Variants in OR2L2 observed in about 807,000 individuals in gnomAD.
The protein encoded by OR2L2 is olfactory receptor 2L2.
For synonymous variants in OR2L2, 156 were observed against 135.4 expected (o/e 1.15, Z -1.06); for missense variants, 378 against 375.2 (o/e 1.01, Z -0.06).
intron 2 of OR2L2, 38 bp from the exon 3 acceptor site, chr1:248,038,209 A>G: frequency 8.1e-7 from 1 of 1,235,706 alleles, no homozygotes; most frequent in Non-Finnish European, 1.2e-6. Flanking sequence ...GATAAAAGTG[A>G]ATTACTGTTC....
rs552828694 is a variant in OR2L2, at chr1:248,030,917, G to A, written c.-97+682G>A. ...GGGTTGAAGGCTGGTTTTTCTACTTGTGATGAAAATATCCTCAGAAATTTT... is the reference window on the plus strand; with the variant it reads ...GGGTTGAAGGCTGGTTTTTCTACTTATGATGAAAATATCCTCAGAAATTTT... On this transcript the variant is annotated intron_variant, in intron 1 of 2. Transcript: ENST00000641771. 7.2e-5 allele frequency among the ~76,000 whole-genome samples: 11 copies of A among 152,214 alleles called. No homozygotes were observed. The East Asian group carries it at 2.1e-3, about 29-fold the overall frequency.
rs1662849520 is a variant in OR2L2 at position 248,038,812 on chromosome 1, C to G, written c.545C>G (p.Ala182Gly). 1 of 1,614,168 alleles carries G rather than the reference C, an allele frequency of 6.2e-7. No homozygotes were observed. Among genetic ancestry groups the G allele is most frequent in the Non-Finnish European group, 8.5e-7 (1 of 1,180,026 alleles). The part of the protein sequence containing the change: ...AINHFFCDVP[A>G]MLTLACTDTW... ...AATCATTTTTTCTGTGATGTTCCAG[C>G]TATGTTGACGCTAGCCTGCACAGAC... is the stretch of plus-strand genomic sequence containing the variant. The change falls in exon 3 of 3, where the codon GCT (alanine) becomes GGT (glycine). Residue 182 changes from alanine to glycine, a missense_variant. Ala to Gly is a moderately conservative substitution (Grantham distance 60). Coordinates refer to ENST00000641771, the MANE Select transcript of OR2L2 (RefSeq NM_001385855.1).
At chr1:248,036,652 T>G (rs1332667151) in intron 2 of OR2L2, among the ~76,000 whole-genome samples, 1 of 152,218 alleles carries the variant, frequency 6.6e-6, no homozygotes, top group African/African-American at 2.4e-5. Flanking sequence ...GCCTAAAAAC[T>G]TCATTCCTTT....
chr1:248,036,872 A>G (rs1382766365), intron 2 of OR2L2, among the ~76,000 whole-genome samples: 1 of 152,152 alleles, frequency 6.6e-6, no homozygotes, highest in African/African-American at 2.4e-5. Context: ...TATGGATCTT[A>G]ACAAAAAATT....
At position 248,039,119 on chromosome 1, in the gene OR2L2, C is replaced by G; in HGVS notation, c.852C>G (p.Leu284=). The G allele has an allele frequency of 6.2e-7, 1 of 1,614,140 alleles. No homozygotes were observed. The highest frequency in any genetic ancestry group is 2.2e-5 in the East Asian group (1 of 44,876). The change falls in exon 3 of 3, where the codon CTC becomes CTG. Residue 284 remains leucine (L), a synonymous_variant. Coordinates refer to ENST00000641771, the MANE Select transcript of OR2L2 (RefSeq NM_001385855.1). Reference sequence around the variant, plus strand: ...TCTACACCATCCTCACCCCAATGCTCAACCCCATCATCTACAGCCTGAGAA... The same window carrying G: ...TCTACACCATCCTCACCCCAATGCTGAACCCCATCATCTACAGCCTGAGAA... ...AVFYTILTPM[L]NPIIYSLRNK...
chr1:248,033,360 G>A (rs2103090161), intron 1 of OR2L2, among the ~76,000 whole-genome samples: 1 of 152,110 alleles, frequency 6.6e-6, no homozygotes, highest in Middle Eastern at 3.4e-3. Flanking sequence ...GAGTAAACTT[G>A]GTTTGCTTGC....
chr1:248,031,497 G>C (rs1175416277), intron 1 of OR2L2, among the ~76,000 whole-genome samples: 1 of 152,224 alleles, frequency 6.6e-6, no homozygotes, highest in Non-Finnish European at 1.5e-5. Flanking sequence ...AGTAGGCAGG[G>C]TCTTTTAATG....
intron 1 of OR2L2, among the ~76,000 whole-genome samples, chr1:248,032,952 C>T (rs1423531200): frequency 1.3e-5 from 2 of 150,184 alleles, no homozygotes; most frequent in Non-Finnish European, 1.5e-5. Flanking sequence ...AATTTGACAA[C>T]TTTTTGTCTT....
rs945857111 is a variant in OR2L2 at position 248,039,420 on chromosome 1, G to T, written c.*214G>T. 7 of 361,430 alleles carry T rather than the reference G, an allele frequency of 1.9e-5. No homozygotes were observed. The highest frequency in any genetic ancestry group is 1.5e-4 in the African/African-American group (7 of 45,710). 22.4% of individuals were successfully genotyped at this position (361,430 alleles called of 1,614,324 possible). A position where few individuals can be genotyped will look rare whatever the true frequency, so the allele number is the denominator to read the frequency against. ...TTTTGTTTGTGTGTGGTTTTTGTTT[G>T]TTTGTTTGTTTGTCTTTTTAATGGA... On this transcript the variant is annotated 3_prime_UTR_variant, in exon 3 of 3. Transcript: ENST00000641771.
At chr1:248,037,345 G>T (rs1372560420) in intron 2 of OR2L2, among the ~76,000 whole-genome samples, 1 of 152,046 alleles carries the variant, frequency 6.6e-6, no homozygotes, top group Non-Finnish European at 1.5e-5. Flanking sequence ...AATTTAGTGA[G>T]AAAAATCATC....
intron 2 of OR2L2, among the ~76,000 whole-genome samples, chr1:248,037,204 C>A (rs1030620322): frequency 6.6e-6 from 1 of 152,038 alleles, no homozygotes; most frequent in African/African-American, 2.4e-5. Flanking sequence ...GTAGAAGAAC[C>A]AAATAATGAT....
intron 1 of OR2L2, among the ~76,000 whole-genome samples, chr1:248,031,613 G>C (rs926732517): frequency 2.0e-5 from 3 of 152,162 alleles, no homozygotes; most frequent in Non-Finnish European, 4.4e-5. Context: ...CGCAGGCAGA[G>C]CTGGGCTGTA....
At chr1:248,035,492 G>C (rs888557876) in intron 1 of OR2L2, 58 bp from the exon 2 acceptor site, 1 of 152,058 alleles carries the variant, frequency 6.6e-6, no homozygotes, top group Non-Finnish European at 1.5e-5. Flanking sequence ...TGATGAAGCT[G>C]TGGGTTAAAT....
In OR2L2 at chr1:248,035,621, A is replaced by C. The variant is rs1374090996; in HGVS notation, c.-25A>C. On this transcript the variant is annotated 5_prime_UTR_variant, in exon 2 of 3. Coordinates refer to ENST00000641771, the MANE Select transcript of OR2L2 (RefSeq NM_001385855.1). ...CCCATAACAGACCCTTCCTGAACCC[A>C]AAGGTAAGGACTTCAAATTTTCTTA... 1 of 152,190 alleles carries C rather than the reference A, an allele frequency of 6.6e-6. No homozygotes were observed. The highest frequency in any genetic ancestry group is 1.5e-5 in the Non-Finnish European group (1 of 68,040). The allele number at this position is 152,190 out of a possible 1,614,324, so 9.4% of individuals were successfully genotyped here.
intron 1 of OR2L2, among the ~76,000 whole-genome samples, chr1:248,031,583 A>G (rs1032560863): frequency 6.6e-6 from 1 of 152,022 alleles, no homozygotes; most frequent in Non-Finnish European, 1.5e-5. Context: ...TTTTCTATCC[A>G]ATGGTCTGGC....
chr1:248,038,165 C>A lies in OR2L2; in HGVS notation c.-21-82C>A. ...GTTCAGTATCAACCCCAGTTTCAGG[C>A]ATCCACTGGGAGTCTTGTAATGCAG... On this transcript the variant is annotated intron_variant, in intron 2 of 2. Coordinates refer to ENST00000641771, the MANE Select transcript of OR2L2 (RefSeq NM_001385855.1). The A allele has an allele frequency of 5.1e-6, 4 of 780,994 alleles. No homozygotes were observed. The South Asian group carries it at 6.9e-5, about 13-fold the overall frequency. The allele number at this position is 780,994 out of a possible 1,614,324, so 48.4% of individuals were successfully genotyped here.
In OR2L2 at chr1:248,037,512, CAA is replaced by C. The variant is rs1662796701; in HGVS notation, c.-21-733_-21-732del. Reference sequence around the variant, plus strand: ...TTCATATCTTTTTGAAGTTGTAAGACAAATGATTTTTCCTATAAATGTATATA... The same window carrying C: ...TTCATATCTTTTTGAAGTTGTAAGACATGATTTTTCCTATAAATGTATATA... On this transcript the variant is annotated intron_variant, in intron 2 of 2. Transcript: ENST00000641771. Among the ~76,000 whole-genome samples, 3 of 152,048 alleles carry C rather than the reference CAA, an allele frequency of 2.0e-5. No homozygotes were observed. The South Asian group carries it at 6.2e-4, about 32-fold the overall frequency.
chr1:248,038,880 T>C lies in OR2L2; in HGVS notation c.613T>C (p.Phe205Leu), dbSNP rs201536771. The C allele has an allele frequency of 6.2e-7, 1 of 1,614,182 alleles. No homozygotes were observed. The highest frequency in any genetic ancestry group is 8.5e-7 in the Non-Finnish European group (1 of 1,180,020). The part of the protein sequence containing the change: ...ESTVFLSSTI[F>L]LVLPFTGIAC... ...CACAGTGTTTTTGAGCAGCACCATC[T>C]TTCTTGTGCTTCCTTTCACTGGTAT... Residue 205 changes from phenylalanine (F) to leucine (L), a missense_variant, in exon 3 of 3, where the codon TTT becomes CTT. By Grantham distance (22) the Phe-to-Leu change is conservative (BLOSUM62 0). Coordinates refer to ENST00000641771, the MANE Select transcript of OR2L2 (RefSeq NM_001385855.1).
At position 248,040,794 on chromosome 1, in the gene OR2L2, T is replaced by G. The variant is rs924316307; in HGVS notation, c.*1588T>G. The G allele has an allele frequency of 6.6e-6, 1 of 152,186 alleles. No homozygotes were observed. The highest frequency in any genetic ancestry group is 2.1e-4 in the South Asian group (1 of 4,834). 9.4% of individuals were successfully genotyped at this position (152,186 alleles called of 1,614,324 possible). On this transcript the variant is annotated 3_prime_UTR_variant, in exon 3 of 3. Transcript: ENST00000641771. Reference sequence around the variant, plus strand: ...CAAAGTTAAATGCATATTCTACTGCTTGGCGGTCAGTGACCCTAATTTCCG... The same window carrying G: ...CAAAGTTAAATGCATATTCTACTGCGTGGCGGTCAGTGACCCTAATTTCCG...
Sources: gnomAD v4.1 joint callset for allele counts (sites outside exome capture counted in the v4.1 genomes callset) on GRCh38, gnomAD v4.1.1 for gene constraint, MANE v1.5 for transcripts, NCBI Gene and HGNC (gene_info 2026-07-23, HGNC 2026-07-21) for gene names.